CHST11: variants seen among roughly 807,000 people sequenced by gnomAD.
The protein encoded by CHST11 is C4S-1.
A neutral mutation model predicts 30.4 loss-of-function variants in CHST11; 9 were observed. That is an observed-to-expected ratio of 0.30 (90% CI 0.18 to 0.52). The LOEUF (loss-of-function observed/expected upper bound fraction) is 0.52, where lower values mean the gene tolerates loss of function less well. CHST11 is among the 20% of genes least tolerant of loss of function. The pLI is 0.97. For missense variants in CHST11, 348 were observed against 460.6 expected (o/e 0.76, Z 2.24); for synonymous variants, 152 against 187.8 (o/e 0.81, Z 1.56).
At chr12:104,641,357 A>G (rs1043083547) in intron 2 of CHST11, among the ~76,000 whole-genome samples, 1 of 152,034 alleles carries the variant, frequency 6.6e-6, no homozygotes, top group Non-Finnish European at 1.5e-5. Context: ...GCACTGTAAC[A>G]CTTCTTCCGG....
chr12:104,653,610 A>G (rs2039515153), intron 2 of CHST11, among the ~76,000 whole-genome samples: 1 of 152,162 alleles, frequency 6.6e-6, no homozygotes, highest in African/African-American at 2.4e-5. Context: ...CCACCCCATA[A>G]TACAACAGCC....
chr12:104,548,208 G>A (rs1287411024), intron 1 of CHST11, among the ~76,000 whole-genome samples: 1 of 152,248 alleles, frequency 6.6e-6, no homozygotes, highest in Non-Finnish European at 1.5e-5. Context: ...ACAGTAGGTG[G>A]TGCTTAGTGG....
At chr12:104,536,195 T>C (rs1218472944) in intron 1 of CHST11, among the ~76,000 whole-genome samples, 2 of 152,154 alleles carry the variant, frequency 1.3e-5, no homozygotes, top group Non-Finnish European at 2.9e-5. Flanking sequence ...GGCTGAGAAA[T>C]GATGCCTTGG....
At chr12:104,752,453 G>A (rs980737860) in intron 2 of CHST11, among the ~76,000 whole-genome samples, 2 of 152,152 alleles carry the variant, frequency 1.3e-5, no homozygotes, top group African/African-American at 4.8e-5. Flanking sequence ...TCACAGTACA[G>A]CTCTATGAAA....
intron 1 of CHST11, among the ~76,000 whole-genome samples, chr12:104,550,835 G>A (rs1258373831): frequency 2.0e-5 from 3 of 152,216 alleles, no homozygotes; most frequent in African/African-American, 4.8e-5. Context: ...CTTTATGTAA[G>A]TATATATACT....
At chr12:104,731,107 G>T (rs1480952663) in intron 2 of CHST11, among the ~76,000 whole-genome samples, 1 of 152,176 alleles carries the variant, frequency 6.6e-6, no homozygotes, top group African/African-American at 2.4e-5. Flanking sequence ...TTATCTGTGT[G>T]CCTTGACATT....
chr12:104,648,871 C>G (rs1169767731), intron 2 of CHST11, among the ~76,000 whole-genome samples: 1 of 152,154 alleles, frequency 6.6e-6, no homozygotes, highest in Non-Finnish European at 1.5e-5. Flanking sequence ...CTGAGGCACC[C>G]TGAAACTGGC....
At chr12:104,482,346 C>T (rs1030445377) in intron 1 of CHST11, among the ~76,000 whole-genome samples, 2 of 88,560 alleles carry the variant, frequency 2.3e-5, no homozygotes, top group Non-Finnish European at 4.6e-5. Flanking sequence ...AACAGGGAGC[C>T]CCCCCCCGCA....
chr12:104,709,563 C>T (rs568916936), intron 2 of CHST11, among the ~76,000 whole-genome samples: 1 of 152,304 alleles, frequency 6.6e-6, no homozygotes, highest in African/African-American at 2.4e-5. Context: ...TTAATCCTTA[C>T]CACCTTCCTT....
At chr12:104,609,305 G>A (rs1438900319) in intron 2 of CHST11, among the ~76,000 whole-genome samples, 1 of 152,238 alleles carries the variant, frequency 6.6e-6, no homozygotes, top group Non-Finnish European at 1.5e-5. Flanking sequence ...CTTACTGCCA[G>A]CCTGGCAGCT....
chr12:104,715,988 T>C (rs1405131574), intron 2 of CHST11, among the ~76,000 whole-genome samples: 1 of 152,156 alleles, frequency 6.6e-6, no homozygotes, highest in Non-Finnish European at 1.5e-5. Flanking sequence ...AGTAAAGGCC[T>C]GTTGACTGTC....
At chr12:104,515,409 C>T (rs773966294) in intron 1 of CHST11, among the ~76,000 whole-genome samples, 12 of 149,970 alleles carry the variant, frequency 8.0e-5, no homozygotes, top group Admixed American at 2.0e-4. Context: ...AGGTGAATCG[C>T]GTTCTACACA....
intron 1 of CHST11, among the ~76,000 whole-genome samples, chr12:104,593,639 A>T (rs961767213): frequency 1.3e-5 from 2 of 152,100 alleles, no homozygotes; most frequent in African/African-American, 4.8e-5. Flanking sequence ...ATTTCCCAGG[A>T]GTGGGGGAAA....
At chr12:104,741,937 C>G (rs896535219) in intron 2 of CHST11, among the ~76,000 whole-genome samples, 1 of 152,198 alleles carries the variant, frequency 6.6e-6, no homozygotes, top group Admixed American at 6.5e-5. Flanking sequence ...CGCTGTGATT[C>G]TTACATACAC....
At chr12:104,632,707 T>C (rs752291364) in intron 2 of CHST11, among the ~76,000 whole-genome samples, 3 of 152,230 alleles carry the variant, frequency 2.0e-5, no homozygotes, top group African/African-American at 4.8e-5. Context: ...AAGTTTGTTA[T>C]CTGAAATGAC....
At chr12:104,745,133 C>G (rs1198168988) in intron 2 of CHST11, among the ~76,000 whole-genome samples, 1 of 152,214 alleles carries the variant, frequency 6.6e-6, no homozygotes, top group African/African-American at 2.4e-5. Context: ...CTCAGCCTCC[C>G]AAAGTGCTGG....
chr12:104,682,164 A>G (rs1259445875), intron 2 of CHST11, among the ~76,000 whole-genome samples: 2 of 152,146 alleles, frequency 1.3e-5, no homozygotes, highest in Non-Finnish European at 2.9e-5. Flanking sequence ...ACACTGGCAT[A>G]ATATTTTGAC....
intron 2 of CHST11, among the ~76,000 whole-genome samples, chr12:104,705,377 A>G (rs557637783): frequency 1.6e-4 from 24 of 152,124 alleles, no homozygotes; most frequent in Non-Finnish European, 3.1e-4. Context: ...CAGGGTTTCT[A>G]TGAGGACCAG....
chr12:104,670,726 TAC>T (rs141365270), intron 2 of CHST11, among the ~76,000 whole-genome samples: 6,713 of 145,408 alleles, frequency 0.046, 260 homozygotes, highest in East Asian at 0.2. Flanking sequence ...ACACCACATA[TAC>T]ACACACACTC....
Sources: allele counts gnomAD v4.1 joint callset (sites outside exome capture counted in the v4.1 genomes callset), GRCh38; gene constraint gnomAD v4.1.1; transcripts MANE v1.5; gene names NCBI Gene and HGNC (gene_info 2026-07-23, HGNC 2026-07-21).